Variants in PTPRT observed in about 807,000 individuals in gnomAD.
PTPRT encodes the protein receptor-type tyrosine-protein phosphatase T.
A neutral mutation model predicts 176.8 loss-of-function variants in PTPRT; 56 were observed. The ratio of observed to expected loss-of-function variants is 0.32; its 90% CI spans 0.26 to 0.40. PTPRT has a LOEUF of 0.40. Among genes scored for constraint, PTPRT ranks in the 10% least tolerant of loss-of-function variants. PTPRT has a pLI of 1.00. For missense variants in PTPRT, 1,540 were observed against 1,908.2 expected (o/e 0.81, Z 3.60); for synonymous variants, 783 against 739.0 (o/e 1.06, Z -0.96).
At chr20:42,521,840 C>T (rs192084956) in intron 7 of PTPRT, among the ~76,000 whole-genome samples, 3 of 152,156 alleles carry the variant, frequency 2.0e-5, no homozygotes, top group African/African-American at 7.2e-5. Flanking sequence ...AGACTGATAA[C>T]ATTCTGGTTT....
At chr20:42,772,815 G>A (rs2077082356) in intron 4 of PTPRT, among the ~76,000 whole-genome samples, 1 of 152,224 alleles carries the variant, frequency 6.6e-6, no homozygotes, top group Non-Finnish European at 1.5e-5. Context: ...GTCATTTACT[G>A]AGAGCTCCTA....
At chr20:42,348,341 AC>A (rs1186984791) in intron 11 of PTPRT, among the ~76,000 whole-genome samples, 6 of 151,708 alleles carry the variant, frequency 4.0e-5, no homozygotes, top group African/African-American at 1.2e-4. Flanking sequence ...CCAGACACCA[AC>A]CATTTCCCCT....
chr20:42,386,858 TCAAA>T (rs951245078), intron 9 of PTPRT, among the ~76,000 whole-genome samples: 27 of 152,176 alleles, frequency 1.8e-4, no homozygotes, highest in African/African-American at 5.1e-4. Context: ...AGACTCCGTC[TCAAA>T]CAAACAAACA....
At chr20:42,263,656 G>A (rs1265064721) in intron 13 of PTPRT, among the ~76,000 whole-genome samples, 1 of 150,366 alleles carries the variant, frequency 6.7e-6, no homozygotes, top group Non-Finnish European at 1.5e-5. Context: ...TGGGATTATA[G>A]ACATGAGCCA....
At chr20:42,511,098 A>G (rs2145454515) in intron 7 of PTPRT, among the ~76,000 whole-genome samples, 1 of 152,274 alleles carries the variant, frequency 6.6e-6, no homozygotes, top group East Asian at 1.9e-4. Context: ...TACAGTTAGC[A>G]CATGGCCACA....
intron 1 of PTPRT, among the ~76,000 whole-genome samples, chr20:43,084,461 G>C (rs114674893): frequency 0.02 from 3,007 of 152,218 alleles, 64 homozygotes; most frequent in East Asian, 0.077. Flanking sequence ...TGGGGAAACT[G>C]CCAAACACTT....
Position 42,102,158 on chromosome 20 carries a change from T to C in PTPRT, c.3680A>G (p.Glu1227Gly). Residue 1227 changes from glutamate (E) to glycine (G), a missense_variant, in exon 26 of 31, where the codon GAA becomes GGA. Glu to Gly is a moderately conservative substitution (Grantham distance 98). Around this residue, in one of 11 missense-constraint regions of PTPRT, gnomAD observed 342 missense variants for 394.0 expected, o/e 0.87. Coordinates refer to ENST00000373187, the MANE Select transcript of PTPRT (RefSeq NM_007050.6). ...CLPFLISVDG[E>G]SSNYINAALM... ...TGCTGCGTTGATGTAATTGCTGGAT[T>C]CTCCGTCCACTGAGATAAGGAAGGG... The C allele has an allele frequency of 6.2e-7, 1 of 1,614,028 alleles. No homozygotes were observed. The highest frequency in any genetic ancestry group is 8.5e-7 in the Non-Finnish European group (1 of 1,179,978).
In PTPRT at chr20:42,078,490, A is replaced by G. The variant is rs1245392838; in HGVS notation, c.*2389T>C. ...GACAGACAAATAGATGTGATATTAA[A>G]AAGTGCACGCTTAAGGGAATGTTTT... On this transcript the variant is annotated 3_prime_UTR_variant, in exon 31 of 31. Transcript: ENST00000373187. The G allele has an allele frequency of 1.9e-5, 4 of 205,618 alleles. No homozygotes were observed. The East Asian group carries it at 2.9e-4, about 15-fold the overall frequency. The allele number at this position is 205,618 out of a possible 1,614,324, so 12.7% of individuals were successfully genotyped here. A position where few individuals can be genotyped will look rare whatever the true frequency, so the allele number is the denominator to read the frequency against.
At chr20:42,667,437 A>C (rs894285464) in intron 7 of PTPRT, among the ~76,000 whole-genome samples, 3 of 152,342 alleles carry the variant, frequency 2.0e-5, no homozygotes, top group Non-Finnish European at 2.9e-5. Context: ...CACTGTTTTC[A>C]TCACTATAAT....
chr20:42,473,065 C>T lies in PTPRT; in HGVS notation c.1154-503G>A, dbSNP rs6030268. ...TGGAAACTGAGTCACAGCCTCAACC[C>T]GCAACACCCAGTTTATCCATGCGTT... On this transcript the variant is annotated intron_variant, in intron 7 of 30. Coordinates refer to ENST00000373187, the MANE Select transcript of PTPRT (RefSeq NM_007050.6). 2.5e-3 allele frequency among the ~76,000 whole-genome samples: 380 copies of T among 152,278 alleles called. 2 individuals are homozygous for T. The highest frequency in any genetic ancestry group is 8.3e-3 in the African/African-American group (343 of 41,550).
intron 22 of PTPRT, among the ~76,000 whole-genome samples, chr20:42,112,352 AC>A (rs1568942702): frequency 6.6e-6 from 1 of 151,986 alleles, no homozygotes; most frequent in Admixed American, 6.6e-5. Context: ...CTGAACAGGA[AC>A]CCCCCTCCCC....
At chr20:43,049,547 C>T (rs925846547) in intron 1 of PTPRT, among the ~76,000 whole-genome samples, 2 of 152,164 alleles carry the variant, frequency 1.3e-5, no homozygotes, top group Non-Finnish European at 2.9e-5. Flanking sequence ...CACAGGTAGA[C>T]CCAAGGCTTT....
At chr20:43,067,552 T>C (rs1271520597) in intron 1 of PTPRT, among the ~76,000 whole-genome samples, 2 of 152,154 alleles carry the variant, frequency 1.3e-5, no homozygotes, top group Non-Finnish European at 2.9e-5. Context: ...CTGGAGATTT[T>C]GGAGCAGAGG....
chr20:42,704,568 A>C (rs3092316), intron 6 of PTPRT, among the ~76,000 whole-genome samples: 5,736 of 151,954 alleles, frequency 0.038, 398 homozygotes, highest in African/African-American at 0.13. Flanking sequence ...GGGCCTTTCT[A>C]CCTTCCACAT....
chr20:42,402,296 T>C (rs1171170065), intron 9 of PTPRT, among the ~76,000 whole-genome samples: 1 of 151,652 alleles, frequency 6.6e-6, no homozygotes, highest in African/African-American at 2.4e-5. Flanking sequence ...TTAAGCCAGG[T>C]GGAGTGGGTT....
intron 1 of PTPRT, among the ~76,000 whole-genome samples, chr20:43,076,005 T>C: frequency 6.6e-6 from 1 of 152,214 alleles, no homozygotes; most frequent in East Asian, 1.9e-4. Context: ...GGCTTAATTT[T>C]ATCAAATTTT....
intron 7 of PTPRT, among the ~76,000 whole-genome samples, chr20:42,570,356 G>C (rs1189550252): frequency 1.3e-5 from 2 of 152,112 alleles, no homozygotes; most frequent in Non-Finnish European, 2.9e-5. Context: ...TTCCAAATCA[G>C]CAACCAAATC....
At chr20:42,222,093 G>T (rs769112591) in intron 15 of PTPRT, among the ~76,000 whole-genome samples, 12 of 152,160 alleles carry the variant, frequency 7.9e-5, no homozygotes, top group Non-Finnish European at 1.8e-4. Flanking sequence ...GACCTGTAAA[G>T]TGCTTCTCTC....
At chr20:42,351,117 T>C (rs2058277389) in intron 10 of PTPRT, among the ~76,000 whole-genome samples, 1 of 151,984 alleles carries the variant, frequency 6.6e-6, no homozygotes, top group South Asian at 2.1e-4. Flanking sequence ...CTCTACCTTT[T>C]TTTTTTTTCC....
Sources: allele counts gnomAD v4.1 joint callset (sites outside exome capture counted in the v4.1 genomes callset), GRCh38; gene constraint gnomAD v4.1.1; regional missense constraint gnomAD v4.1.1; transcripts MANE v1.5; gene names NCBI Gene and HGNC (gene_info 2026-07-23, HGNC 2026-07-21).